The following ROBO2 variants were observed in gnomAD, a reference collection of about 807,000 sequenced individuals.
ROBO2 encodes roundabout homolog 2.
A neutral mutation model predicts 160.8 loss-of-function variants in ROBO2; 53 were observed. That is an observed-to-expected ratio of 0.33 (90% CI 0.26 to 0.41). The LOEUF (loss-of-function observed/expected upper bound fraction) is 0.41. Among genes scored for constraint, ROBO2 ranks in the 10% least tolerant of loss-of-function variants. ROBO2 has a pLI of 1.00. For missense variants in ROBO2, 1,577 were observed against 1,722.4 expected, an observed-to-expected ratio of 0.92 and a Z score of 1.49; for synonymous variants, 664 against 611.7, an observed-to-expected ratio of 1.09 and a Z score of -1.26.
chr3:77,378,892 C>T (rs1046117953), intron 2 of ROBO2, among the ~76,000 whole-genome samples: 5 of 151,832 alleles, frequency 3.3e-5, no homozygotes, highest in Non-Finnish European at 7.4e-5. Flanking sequence ...TTCCCCAACC[C>T]GGCATGCGTA....
intron 2 of ROBO2, among the ~76,000 whole-genome samples, chr3:76,364,468 G>T (rs1207050490): frequency 1.3e-5 from 2 of 151,960 alleles, no homozygotes; most frequent in Non-Finnish European, 2.9e-5. Flanking sequence ...AATAACGCCT[G>T]TCAAATAATA....
intron 2 of ROBO2, among the ~76,000 whole-genome samples, chr3:76,618,048 C>G (rs1240200642): frequency 1.3e-5 from 2 of 151,708 alleles, no homozygotes; most frequent in East Asian, 3.9e-4. Context: ...AAATGACCCT[C>G]AAAGACAACT....
chr3:76,151,637 C>T (rs920405110), intron 2 of ROBO2, among the ~76,000 whole-genome samples: 2 of 152,104 alleles, frequency 1.3e-5, no homozygotes, highest in Admixed American at 6.6e-5. Flanking sequence ...ACTCCAGAAC[C>T]TCAACTATGT....
At chr3:76,340,496 A>G (rs936850692) in intron 2 of ROBO2, among the ~76,000 whole-genome samples, 1 of 152,204 alleles carries the variant, frequency 6.6e-6, no homozygotes, top group African/African-American at 2.4e-5. Context: ...TGTGAAGTCT[A>G]CAGTACTGAA....
At chr3:76,429,552 T>C (rs2076354414) in intron 2 of ROBO2, among the ~76,000 whole-genome samples, 1 of 152,170 alleles carries the variant, frequency 6.6e-6, no homozygotes, top group African/African-American at 2.4e-5. Flanking sequence ...GAAAAATGTA[T>C]GTTATTCTTC....
intron 2 of ROBO2, among the ~76,000 whole-genome samples, chr3:75,938,854 T>C (rs912772976): frequency 6.6e-6 from 1 of 152,186 alleles, no homozygotes; most frequent in African/African-American, 2.4e-5. Context: ...TTCATGCCAT[T>C]CAGAATTTAT....
intron 2 of ROBO2, among the ~76,000 whole-genome samples, chr3:76,226,467 C>T (rs1704293100): frequency 6.6e-6 from 1 of 152,080 alleles, no homozygotes; most frequent in Non-Finnish European, 1.5e-5. Flanking sequence ...TCACATATTT[C>T]TGTCTACACT....
intron 2 of ROBO2, among the ~76,000 whole-genome samples, chr3:76,895,042 A>G (rs909292153): frequency 1.3e-5 from 2 of 152,096 alleles, no homozygotes; most frequent in East Asian, 3.9e-4. Flanking sequence ...CAAAAAGTAG[A>G]TTTTTAACTT....
chr3:76,245,282 G>T (rs1442120761), intron 2 of ROBO2, among the ~76,000 whole-genome samples: 2 of 152,138 alleles, frequency 1.3e-5, no homozygotes, highest in Non-Finnish European at 2.9e-5. Context: ...ACCCTTTTGG[G>T]GCAGCGCCCA....
At chr3:77,200,747 C>A (rs1579919893) in intron 2 of ROBO2, among the ~76,000 whole-genome samples, 1 of 151,964 alleles carries the variant, frequency 6.6e-6, no homozygotes, top group Non-Finnish European at 1.5e-5. Flanking sequence ...ACCTAAAAGC[C>A]ATTTTATTTT....
At chr3:76,997,994 A>G (rs1176074436) in intron 2 of ROBO2, among the ~76,000 whole-genome samples, 1 of 152,136 alleles carries the variant, frequency 6.6e-6, no homozygotes, top group Non-Finnish European at 1.5e-5. Flanking sequence ...AAAAGAACAT[A>G]AATCCTCTTG....
intron 2 of ROBO2, among the ~76,000 whole-genome samples, chr3:76,920,110 C>T (rs2148984975): frequency 6.6e-6 from 1 of 152,092 alleles, no homozygotes; most frequent in South Asian, 2.1e-4. Flanking sequence ...TAACTTTTGC[C>T]AATAAATGTA....
At chr3:77,164,373 C>A (rs1382726367) in intron 2 of ROBO2, among the ~76,000 whole-genome samples, 5 of 99,728 alleles carry the variant, frequency 5.0e-5, no homozygotes, top group Non-Finnish European at 1.4e-4. Context: ...GCCTTTTTAC[C>A]GTCCGGGAGG....
At chr3:77,234,494 T>G (rs1471474366) in intron 2 of ROBO2, among the ~76,000 whole-genome samples, 1 of 152,080 alleles carries the variant, frequency 6.6e-6, no homozygotes, top group African/African-American at 2.4e-5. Context: ...ATTAGGTGAA[T>G]CGCACAGACA....
chr3:76,581,694 A>C (rs1031932334), intron 2 of ROBO2, among the ~76,000 whole-genome samples: 11 of 152,160 alleles, frequency 7.2e-5, no homozygotes, highest in African/African-American at 2.7e-4. Context: ...CTGTTCAGGC[A>C]GGCTAAATAC....
chr3:76,952,952 C>A (rs1035445281), intron 2 of ROBO2, among the ~76,000 whole-genome samples: 1 of 152,078 alleles, frequency 6.6e-6, no homozygotes, highest in Non-Finnish European at 1.5e-5. Flanking sequence ...ACATCAGAGA[C>A]TTTTGACAGT....
In ROBO2 at chr3:76,857,187, G is replaced by T. The variant is rs190387895; in HGVS notation, c.110-240827G>T. On this transcript the variant is annotated intron_variant, in intron 2 of 26. Transcript: ENST00000487694. Reference sequence around the variant, plus strand: ...TTTTTAGTAGAGACGGGGTTTCACCGTGTTAGCCAGGATGGTCTCGATCTC... The same window carrying T: ...TTTTTAGTAGAGACGGGGTTTCACCTTGTTAGCCAGGATGGTCTCGATCTC... 5.9e-5 allele frequency among the ~76,000 whole-genome samples: 9 copies of T among 152,006 alleles called. No individual in the cohort carries two copies. In the East Asian group the frequency reaches 9.7e-4, roughly 16 times the overall value.
chr3:77,489,081 G>A (rs1323402124), intron 4 of ROBO2, among the ~76,000 whole-genome samples: 1 of 152,122 alleles, frequency 6.6e-6, no homozygotes, highest in Non-Finnish European at 1.5e-5. Flanking sequence ...AGGGTGCTAT[G>A]GAAATTCTCA....
intron 2 of ROBO2, among the ~76,000 whole-genome samples, chr3:76,646,065 C>T (rs1474460308): frequency 6.6e-6 from 1 of 152,038 alleles, no homozygotes; most frequent in Non-Finnish European, 1.5e-5. Flanking sequence ...GACGTGATTC[C>T]TCAGGTAATT....
Sources: gnomAD v4.1 joint callset for allele counts (sites outside exome capture counted in the v4.1 genomes callset) on GRCh38, gnomAD v4.1.1 for gene constraint, MANE v1.5 for transcripts, NCBI Gene and HGNC (gene_info 2026-07-23, HGNC 2026-07-21) for gene names.